The following RARS1 variants were observed in gnomAD, a reference collection of about 807,000 sequenced individuals.
RARS1 encodes the protein arginine--tRNA ligase, cytoplasmic.
In RARS1, 75 loss-of-function variants were observed where a neutral mutation model predicts 78.7. The ratio of observed to expected loss-of-function variants is 0.95; its 90% confidence interval spans 0.79 to 1.15. RARS1 has a LOEUF of 1.15. Among genes scored for constraint, RARS1 ranks in the 50% most tolerant of loss-of-function variants. The probability of loss-of-function intolerance (pLI) is 0.00; values close to 1 mark genes in which losing one functional copy is unlikely to be tolerated. For missense variants in RARS1, 787 were observed against 787.5 expected, an observed-to-expected ratio of 1.00 and a Z score of 0.01; for synonymous variants, 273 against 268.2, an observed-to-expected ratio of 1.02 and a Z score of -0.18.
chr5:168,512,784 G>C (rs975632886), intron 12 of RARS1, among the ~76,000 whole-genome samples: 1 of 152,174 alleles, frequency 6.6e-6, no homozygotes, highest in Admixed American at 6.5e-5. Context: ...ACCCAATTAA[G>C]GGTGGGTCTG....
At chr5:168,487,236 G>T (rs1393735136) in intron 1 of RARS1, among the ~76,000 whole-genome samples, 1 of 151,836 alleles carries the variant, frequency 6.6e-6, no homozygotes, top group Non-Finnish European at 1.5e-5. Flanking sequence ...TGTTGGGGGG[G>T]GTCCCTGTAT....
In RARS1 at chr5:168,501,824, C is replaced by A. The variant is rs565103007; in HGVS notation, c.953-177C>A. On this transcript the variant is annotated intron_variant, in intron 8 of 14. Coordinates refer to ENST00000231572, the MANE Select transcript of RARS1 (RefSeq NM_002887.4). ...ATTTTGATGTGTACCTTACCATTTT[C>A]TTTCCCTTTTTCAAAATGACAGCAT... is the stretch of plus-strand genomic sequence containing the variant. Among the ~76,000 whole-genome samples the A allele has an allele frequency of 1.9e-3, 286 of 152,292 alleles. 2 individuals are homozygous for A. Among genetic ancestry groups the A allele is most frequent in the African/African-American group, 6.5e-3 (269 of 41,570 alleles).
intron 11 of RARS1, among the ~76,000 whole-genome samples, chr5:168,510,113 T>A (rs1048410119): frequency 4.6e-5 from 7 of 152,232 alleles, no homozygotes; most frequent in African/African-American, 1.2e-4. Flanking sequence ...GAAATTCAAG[T>A]GAGATTTTGT....
chr5:168,505,701 G>A (rs1026496484), intron 9 of RARS1, among the ~76,000 whole-genome samples: 2 of 121,318 alleles, frequency 1.6e-5, no homozygotes, highest in African/African-American at 6.6e-5. Flanking sequence ...TAGCAAGACT[G>A]TGTATCAAAA....
chr5:168,515,047 T>C (rs570561202), intron 12 of RARS1, among the ~76,000 whole-genome samples: 1 of 152,228 alleles, frequency 6.6e-6, no homozygotes, highest in Non-Finnish European at 1.5e-5. Flanking sequence ...TATCAGTTCA[T>C]ATCAGGAGGC....
intron 11 of RARS1, among the ~76,000 whole-genome samples, chr5:168,510,050 C>T (rs144389634): frequency 1.0e-3 from 154 of 152,264 alleles, no homozygotes; most frequent in African/African-American, 3.5e-3. Flanking sequence ...CCAGGCGATT[C>T]TGGTATGAAT....
In RARS1 at chr5:168,492,653, C is replaced by T; in HGVS notation, c.181-6C>T. 6.4e-7 allele frequency: 1 copy of T among 1,573,940 alleles called. No individual in the cohort carries two copies. The highest frequency in any genetic ancestry group is 8.7e-7 in the Non-Finnish European group (1 of 1,146,452). On this transcript the variant is annotated splice_region_variant and splice_polypyrimidine_tract_variant and intron_variant, in intron 2 of 14. Transcript: ENST00000231572. ...TTATTGACATGTTTCCATTCTTTTC[C>T]TACAGAGTCTTCAGGCAGAAAGGAA...
intron 3 of RARS1, chr5:168,493,075 A>C (rs967686724): frequency 1.2e-5 from 5 of 423,796 alleles, no homozygotes; most frequent in Non-Finnish European, 1.7e-5. Context: ...TTTAAGGGCA[A>C]TCATTGGTAC....
intron 13 of RARS1, 44 bp from the exon 14 acceptor site, chr5:168,517,771 G>C (rs1483733484): frequency 7.2e-7 from 1 of 1,383,448 alleles, no homozygotes; most frequent in African/African-American, 1.5e-5. Flanking sequence ...CCTAAAAAAA[G>C]GGAACAGTGG....
chr5:168,500,776 G>A, intron 8 of RARS1, 56 bp downstream of exon 8: 2 of 1,551,992 alleles, frequency 1.3e-6, no homozygotes, highest in South Asian at 2.5e-5. Flanking sequence ...ATCATTTCCT[G>A]GAGTCTTCAT....
At chr5:168,513,219 G>GTTTT (rs1279957065) in intron 12 of RARS1, among the ~76,000 whole-genome samples, 2 of 122,280 alleles carry the variant, frequency 1.6e-5, no homozygotes, top group Non-Finnish European at 1.8e-5. Context: ...CTAATTTTTT[G>GTTTT]TATTTTTTTT....
chr5:168,489,812 CTT>C (rs35560247), intron 2 of RARS1, among the ~76,000 whole-genome samples: 39 of 130,298 alleles, frequency 3.0e-4, no homozygotes, highest in Admixed American at 1.8e-3. Flanking sequence ...CTCATATTAT[CTT>C]TTTTTTTTTT....
At chr5:168,509,441 C>T (rs1232071799) in intron 11 of RARS1, among the ~76,000 whole-genome samples, 1 of 48,080 alleles carries the variant, frequency 2.1e-5, no homozygotes, top group Middle Eastern at 0.011. Flanking sequence ...TTTAAACACC[C>T]CCCCCCCCCC....
intron 9 of RARS1, among the ~76,000 whole-genome samples, chr5:168,504,491 C>T (rs1252875662): frequency 6.7e-6 from 1 of 148,324 alleles, no homozygotes; most frequent in Non-Finnish European, 1.5e-5. Flanking sequence ...CCACTGCACT[C>T]CAGCCTGGCG....
At chr5:168,493,759 A>G in intron 3 of RARS1, 135 bp from the exon 4 acceptor site, 1 of 656,256 alleles carries the variant, frequency 1.5e-6, no homozygotes, top group African/African-American at 1.8e-5. Context: ...GTCATTCATA[A>G]TGTGATTGGA....
chr5:168,516,694 C>T, intron 12 of RARS1, 84 bp from the exon 13 acceptor site: 1 of 1,346,868 alleles, frequency 7.4e-7, no homozygotes, highest in Non-Finnish European at 1.0e-6. Context: ...TTAGATGTTC[C>T]CTACCCCAGT....
At chr5:168,494,954 A>G (rs1375157666) in intron 5 of RARS1, 9 of 333,312 alleles carry the variant, frequency 2.7e-5, no homozygotes, top group African/African-American at 4.3e-5. Flanking sequence ...ATTTGAGATT[A>G]TGAACATTTA....
At chr5:168,493,034 G>T in intron 3 of RARS1, 187 bp downstream of exon 3, 1 of 526,234 alleles carries the variant, frequency 1.9e-6, no homozygotes, top group Non-Finnish European at 3.3e-6. Flanking sequence ...AATTTTTAAG[G>T]TTTGGTTAAA....
chr5:168,488,979 A>G (rs756105418), intron 2 of RARS1, among the ~76,000 whole-genome samples: 4 of 152,228 alleles, frequency 2.6e-5, no homozygotes, highest in Admixed American at 6.5e-5. Context: ...CTGTTTGGCT[A>G]ACTTAAAGTA....
Sources: allele counts gnomAD v4.1 joint callset (sites outside exome capture counted in the v4.1 genomes callset), GRCh38; gene constraint gnomAD v4.1.1; transcripts MANE v1.5; gene names NCBI Gene and HGNC (gene_info 2026-07-23, HGNC 2026-07-21).